Variants in DSCAM observed in about 807,000 individuals in gnomAD.
The protein encoded by DSCAM is cell adhesion molecule DSCAM.
A neutral mutation model predicts 217.7 loss-of-function variants in DSCAM; 47 were observed. The ratio of observed to expected loss-of-function variants is 0.22; its 90% CI spans 0.17 to 0.28. The LOEUF is 0.28. DSCAM is among the 10% of genes least tolerant of loss of function. The probability of loss-of-function intolerance (pLI) is 1.00; values close to 1 mark genes in which losing one functional copy is unlikely to be tolerated. For synonymous variants in DSCAM, 1,056 were observed against 1,015.3 expected (o/e 1.04, Z -0.76); for missense variants, 2,080 against 2,618.3 (o/e 0.79, Z 4.49).
At chr21:40,263,931 G>C (rs921681657) in intron 11 of DSCAM, among the ~76,000 whole-genome samples, 1 of 151,886 alleles carries the variant, frequency 6.6e-6, no homozygotes, top group African/African-American at 2.4e-5. Flanking sequence ...CACCACTCTG[G>C]ACACAAACTA....
intron 3 of DSCAM, among the ~76,000 whole-genome samples, chr21:40,523,800 AACACAC>A (rs141294590): frequency 2.0e-5 from 3 of 149,868 alleles, no homozygotes; most frequent in African/African-American, 7.3e-5. Context: ...GTAACACACA[AACACAC>A]ACACACACAC....
rs78059615 is a variant in DSCAM at position 40,738,892 on chromosome 21, C to T, written c.44-30121G>A. 4.6e-5 allele frequency among the ~76,000 whole-genome samples: 7 copies of T among 152,254 alleles called. No individual in the cohort carries two copies. The East Asian group carries it at 1.4e-3, about 29-fold the overall frequency. ...CATCCCTCAGCAGGGGCGAGTCACA[C>T]GGACAATCCCCAACAAGGAGAGGGA... is the stretch of plus-strand genomic sequence containing the variant. On this transcript the variant is annotated intron_variant, in intron 1 of 32. Transcript: ENST00000400454.
intron 3 of DSCAM, among the ~76,000 whole-genome samples, chr21:40,525,209 G>A (rs986071338): frequency 2.6e-5 from 4 of 152,044 alleles, no homozygotes; most frequent in Non-Finnish European, 5.9e-5. Flanking sequence ...TATTTGTGAC[G>A]TATTTAATTC....
intron 1 of DSCAM, among the ~76,000 whole-genome samples, chr21:40,759,251 C>T (rs541932127): frequency 1.3e-3 from 203 of 152,168 alleles, no homozygotes; most frequent in African/African-American, 3.9e-3. Context: ...CCACGTGCTC[C>T]AAGCCTATCC....
Position 40,696,713 on chromosome 21 carries a change from GA to G in DSCAM, c.362-3758del, listed in dbSNP as rs528123464. On this transcript the variant is annotated intron_variant, in intron 2 of 32. Coordinates refer to ENST00000400454, the MANE Select transcript of DSCAM (RefSeq NM_001389.5). ...AATCTGTCATCTTTTTAGATCAGAAGAAAAAAAAATCTCTGGTAATATGACT... is the reference window on the plus strand; with the variant it reads ...AATCTGTCATCTTTTTAGATCAGAAGAAAAAAAATCTCTGGTAATATGACT... Among the ~76,000 whole-genome samples, 201 of 151,092 alleles carry G rather than the reference GA, an allele frequency of 1.3e-3. 2 individuals carry two copies. In the East Asian group the frequency reaches 0.029, roughly 22 times the overall value.
intron 3 of DSCAM, among the ~76,000 whole-genome samples, chr21:40,565,375 G>A (rs1321689288): frequency 6.6e-6 from 1 of 152,126 alleles, no homozygotes; most frequent in Non-Finnish European, 1.5e-5. Context: ...GGTGATCAGG[G>A]GTTTTTGAGC....
chr21:40,091,584 C>A (rs773157091), intron 21 of DSCAM, among the ~76,000 whole-genome samples: 1 of 152,086 alleles, frequency 6.6e-6, no homozygotes, highest in Non-Finnish European at 1.5e-5. Flanking sequence ...TGTCTCTATG[C>A]ATATACTTTT....
At chr21:40,123,899 G>T (rs1460771202) in intron 20 of DSCAM, among the ~76,000 whole-genome samples, 2 of 152,124 alleles carry the variant, frequency 1.3e-5, no homozygotes, top group Non-Finnish European at 2.9e-5. Context: ...TATCAATTAA[G>T]GCACAATCAA....
chr21:40,676,560 G>A (rs1183361260), intron 3 of DSCAM, among the ~76,000 whole-genome samples: 2 of 152,066 alleles, frequency 1.3e-5, no homozygotes, highest in Non-Finnish European at 2.9e-5. Context: ...TTTTTGTTTT[G>A]TTTTGTTTTT....
intron 3 of DSCAM, among the ~76,000 whole-genome samples, chr21:40,382,024 G>A (rs2075031373): frequency 6.6e-6 from 1 of 152,148 alleles, no homozygotes; most frequent in African/African-American, 2.4e-5. Context: ...CTTACTGTGA[G>A]TCAGAGCAAA....
At chr21:40,354,331 T>C (rs2074666871) in intron 4 of DSCAM, among the ~76,000 whole-genome samples, 1 of 152,174 alleles carries the variant, frequency 6.6e-6, no homozygotes, top group Non-Finnish European at 1.5e-5. Context: ...CCCCAAACTA[T>C]ATATCTATTA....
At chr21:40,498,590 C>T (rs1444737716) in intron 3 of DSCAM, among the ~76,000 whole-genome samples, 2 of 141,926 alleles carry the variant, frequency 1.4e-5, no homozygotes, top group Non-Finnish European at 3.0e-5. Context: ...AATATATATA[C>T]AGTATGTGTA....
intron 22 of DSCAM, 93 bp from the exon 23 acceptor site, chr21:40,085,858 C>T (rs2089526349): frequency 1.7e-6 from 2 of 1,151,124 alleles, no homozygotes; most frequent in Non-Finnish European, 2.3e-6. Context: ...GTGAAGCAAA[C>T]CACACATTTG....
chr21:40,604,655 T>G (rs1057398655), intron 3 of DSCAM, among the ~76,000 whole-genome samples: 1 of 152,198 alleles, frequency 6.6e-6, no homozygotes, highest in African/African-American at 2.4e-5. Context: ...GTTGTCTTTG[T>G]GTTTCCCTAG....
chr21:40,229,714 T>C (rs1163264001), intron 11 of DSCAM, among the ~76,000 whole-genome samples: 1 of 152,244 alleles, frequency 6.6e-6, no homozygotes, highest in Non-Finnish European at 1.5e-5. Flanking sequence ...TGTCGAGAGA[T>C]GTACCAAACA....
chr21:40,450,734 A>G (rs1042289091), intron 3 of DSCAM, among the ~76,000 whole-genome samples: 1 of 152,218 alleles, frequency 6.6e-6, no homozygotes, highest in African/African-American at 2.4e-5. Flanking sequence ...CTGAGACTTT[A>G]TCAAAGGTAA....
chr21:40,215,988 G>A (rs2091239752), intron 11 of DSCAM, among the ~76,000 whole-genome samples: 1 of 150,974 alleles, frequency 6.6e-6, no homozygotes, highest in Non-Finnish European at 1.5e-5. Flanking sequence ...GACTACTATG[G>A]GAAGGACCCA....
At chr21:40,117,062 G>C (rs1320060253) in intron 20 of DSCAM, among the ~76,000 whole-genome samples, 1 of 146,386 alleles carries the variant, frequency 6.8e-6, no homozygotes, top group East Asian at 2.1e-4. Flanking sequence ...TAAAATGATG[G>C]AAGAATGATT....
intron 11 of DSCAM, among the ~76,000 whole-genome samples, chr21:40,207,063 G>A (rs1454598051): frequency 6.6e-6 from 1 of 152,032 alleles, no homozygotes; most frequent in East Asian, 1.9e-4. Context: ...ATTCTGTATG[G>A]CAATAAACAT....
Sources: allele counts gnomAD v4.1 joint callset (sites outside exome capture counted in the v4.1 genomes callset), GRCh38; gene constraint gnomAD v4.1.1; transcripts MANE v1.5; gene names NCBI Gene and HGNC (gene_info 2026-07-23, HGNC 2026-07-21).